Variants in PPP1R16B observed in about 807,000 individuals in gnomAD.
PPP1R16B encodes the protein protein phosphatase 1 regulatory inhibitor subunit 16B.
In PPP1R16B, 14 loss-of-function variants were observed where a neutral mutation model predicts 61.7. The observed-to-expected ratio is 0.23, with a 90% confidence interval of 0.15 to 0.35. The LOEUF (loss-of-function observed/expected upper bound fraction) is 0.35, where lower values mean the gene tolerates loss of function less well. Among genes scored for constraint, PPP1R16B ranks in the 10% least tolerant of loss-of-function variants. The pLI, the probability that PPP1R16B is intolerant of heterozygous loss-of-function variation, is 1.00. For missense variants in PPP1R16B, 547 were observed against 752.5 expected, an observed-to-expected ratio of 0.73 and a Z score of 3.19; for synonymous variants, 266 against 305.3, an observed-to-expected ratio of 0.87 and a Z score of 1.34.
At chr20:38,916,930 T>G (rs911080541) in intron 10 of PPP1R16B, among the ~76,000 whole-genome samples, 3 of 151,852 alleles carry the variant, frequency 2.0e-5, no homozygotes, top group African/African-American at 7.2e-5. Context: ...GCCATGTATA[T>G]CTATATATTT....
chr20:38,895,431 A>T (rs77208150), intron 3 of PPP1R16B, 134 bp from the exon 4 acceptor site: 20,536 of 1,063,568 alleles, frequency 0.019, 261 homozygotes, highest in South Asian at 0.036. Flanking sequence ...CAGTGTGAAC[A>T]TCATGGAGCT....
intron 2 of PPP1R16B, among the ~76,000 whole-genome samples, chr20:38,875,266 A>C (rs938974942): frequency 5.3e-5 from 8 of 152,204 alleles, no homozygotes; most frequent in Admixed American, 2.6e-4. Flanking sequence ...GAAAACTTGC[A>C]GCTTGCTCCC....
chr20:38,910,595 G>A (rs571627519), intron 10 of PPP1R16B, among the ~76,000 whole-genome samples: 4 of 149,140 alleles, frequency 2.7e-5, no homozygotes, highest in African/African-American at 5.0e-5. Flanking sequence ...GTGCAGTGGT[G>A]TGATCCTAGC....
At chr20:38,878,235 C>T (rs2145750729) in intron 2 of PPP1R16B, among the ~76,000 whole-genome samples, 1 of 152,122 alleles carries the variant, frequency 6.6e-6, no homozygotes, top group Non-Finnish European at 1.5e-5. Flanking sequence ...TGTTTTATTT[C>T]CCCAGGCAGA....
chr20:38,871,395 T>A (rs2085128093), intron 2 of PPP1R16B, among the ~76,000 whole-genome samples: 1 of 152,004 alleles, frequency 6.6e-6, no homozygotes, highest in Admixed American at 6.6e-5. Context: ...TCTGGGCCAG[T>A]ATGCATTCTG....
At position 38,920,878 on chromosome 20, in the gene PPP1R16B, A is replaced by G. The variant is rs1464720549; in HGVS notation, c.*2212A>G. The G allele has an allele frequency of 6.6e-6, 1 of 152,264 alleles. No individual in the cohort carries two copies. Among genetic ancestry groups the G allele is most frequent in the African/African-American group, 2.4e-5 (1 of 41,458 alleles). 9.4% of individuals were successfully genotyped at this position (152,264 alleles called of 1,614,324 possible). On this transcript the variant is annotated 3_prime_UTR_variant, in exon 11 of 11. Transcript: ENST00000299824. The stretch of plus-strand genomic sequence containing the variant: ...CACGTACCATTGGCTGTAAAACAGT[A>G]TGAGCCCAGACTGACGCTGAAATCC...
chr20:38,906,296 T>G (rs28588987), intron 7 of PPP1R16B, among the ~76,000 whole-genome samples: 25 of 126,118 alleles, frequency 2.0e-4, no homozygotes, highest in African/African-American at 4.6e-4. Context: ...TTTTTTTTTT[T>G]TTTTTTTTTT....
chr20:38,879,966 C>T (rs2085193229), intron 2 of PPP1R16B, among the ~76,000 whole-genome samples: 1 of 152,176 alleles, frequency 6.6e-6, no homozygotes, highest in Admixed American at 6.5e-5. Flanking sequence ...GTCTGTGGCC[C>T]AGCCTGGGAA....
Position 38,918,536 on chromosome 20 carries a change from C to G in PPP1R16B, c.1574C>G (p.Thr525Ser), listed in dbSNP as rs777989802. 1.9e-6 allele frequency: 3 copies of G among 1,585,498 alleles called. No individual in the cohort carries two copies. The highest frequency in any genetic ancestry group is 2.2e-5 in the East Asian group (1 of 44,592). The change falls in exon 11 of 11, where the codon ACT becomes AGT. Residue 525 changes from threonine (T) to serine (S), a missense_variant. By Grantham distance (58) the Thr-to-Ser change is moderately conservative (BLOSUM62 1). Transcript: ENST00000299824. The surrounding 1 kb of genome is among the most constrained non-coding windows in gnomAD (Gnocchi z 5.3). Reference protein sequence around the residue: ...EGKAPLIGGRTSPYSSNGTSV... With the variant: ...EGKAPLIGGRSSPYSSNGTSV... ...AAGGCCCCCTTGATCGGAGGCAGAA[C>G]TTCACCGTACAGCAGCAATGGGACC...
At chr20:38,914,787 C>A (rs1385079560) in intron 10 of PPP1R16B, among the ~76,000 whole-genome samples, 1 of 152,154 alleles carries the variant, frequency 6.6e-6, no homozygotes, top group Admixed American at 6.6e-5. Context: ...TCCTGCCCAG[C>A]CTCCCATGTA....
Position 38,907,794 on chromosome 20 carries a change from C to G in PPP1R16B, c.899-12C>G, listed in dbSNP as rs1398392377. On this transcript the variant is annotated splice_polypyrimidine_tract_variant and intron_variant, in intron 8 of 10. Transcript: ENST00000299824. The surrounding 1 kb of genome is among the most constrained non-coding windows in gnomAD (Gnocchi z 4.5). The stretch of plus-strand genomic sequence containing the variant: ...GCCCCGTCCCCCACAACAGACTCCT[C>G]TGCCCCTTCAGACCTGTGCGAGGAG... 1 of 1,613,924 alleles carries G rather than the reference C, an allele frequency of 6.2e-7. No individual in the cohort carries two copies. Among genetic ancestry groups the G allele is most frequent in the Admixed American group, 1.7e-5 (1 of 60,026 alleles).
intron 2 of PPP1R16B, among the ~76,000 whole-genome samples, chr20:38,882,079 C>T (rs1037430048): frequency 1.1e-4 from 16 of 152,272 alleles, no homozygotes; most frequent in East Asian, 3.9e-4. Flanking sequence ...TACTTATCCT[C>T]GTAACTGGAT....
intron 2 of PPP1R16B, among the ~76,000 whole-genome samples, chr20:38,857,920 A>G (rs1393461142): frequency 6.6e-6 from 1 of 152,068 alleles, no homozygotes; most frequent in Admixed American, 6.6e-5. Context: ...GCCAGAAAAA[A>G]AATTATAGAC....
intron 2 of PPP1R16B, among the ~76,000 whole-genome samples, chr20:38,878,455 G>A (rs564379319): frequency 8.2e-4 from 125 of 152,280 alleles, no homozygotes; most frequent in South Asian, 1.9e-3. Context: ...CCTAAACATT[G>A]ATAGGAATGG....
At chr20:38,909,980 A>AT (rs2085476022) in intron 10 of PPP1R16B, among the ~76,000 whole-genome samples, 1 of 151,698 alleles carries the variant, frequency 6.6e-6, no homozygotes, top group South Asian at 2.1e-4. Flanking sequence ...ATCTTTTTTT[A>AT]TTTTTTTATT....
chr20:38,918,212 G>A lies in PPP1R16B; in HGVS notation c.1250G>A (p.Arg417Gln), dbSNP rs759069655. The A allele has an allele frequency of 3.7e-6, 6 of 1,614,124 alleles. No individual in the cohort carries two copies. Among genetic ancestry groups the A allele is most frequent in the East Asian group, 2.2e-5 (1 of 44,904 alleles). Residue 417 changes from arginine (R) to glutamine (Q), a missense_variant, in exon 11 of 11, where the codon CGA (arginine) becomes CAA (glutamine). Coordinates refer to ENST00000299824, the MANE Select transcript of PPP1R16B (RefSeq NM_015568.4). The surrounding 1 kb of genome is among the most constrained non-coding windows in gnomAD (Gnocchi z 5.3). ...LLSEFPTKIPRGELDMPVENG... is the reference protein window; with the variant it reads ...LLSEFPTKIPQGELDMPVENG... The stretch of plus-strand genomic sequence containing the variant: ...TCCGAATTTCCTACCAAGATCCCAC[G>A]AGGTGAACTGGACATGCCTGTTGAG...
rs36003556 is a variant in PPP1R16B, at chr20:38,873,743, G to GTTTT, written c.251-15842_251-15839dup. ...ACAGAAGCTGAAACATCTTTTTTTT[G>GTTTT]TTTTTTTTTTTTTGAGATGGAGTCT... On this transcript the variant is annotated intron_variant, in intron 2 of 10. Transcript: ENST00000299824. Among the ~76,000 whole-genome samples the GTTTT allele has an allele frequency of 9.8e-3, 1,374 of 140,654 alleles. 31 individuals are homozygous for GTTTT. Among genetic ancestry groups the GTTTT allele is most frequent in the Non-Finnish European group, 0.011 (703 of 65,410 alleles). 92.3% of individuals were successfully genotyped at this position (140,654 alleles called of 152,430 possible).
intron 10 of PPP1R16B, among the ~76,000 whole-genome samples, chr20:38,912,759 AC>A (rs2085502884): frequency 6.6e-6 from 1 of 152,186 alleles, no homozygotes; most frequent in African/African-American, 2.4e-5. Context: ...GAATTTCAGA[AC>A]CACTTATTTG....
intron 2 of PPP1R16B, among the ~76,000 whole-genome samples, chr20:38,860,448 T>G (rs955109999): frequency 3.3e-5 from 5 of 152,234 alleles, no homozygotes; most frequent in African/African-American, 1.2e-4. Context: ...ATATGTTGAT[T>G]CAGATTAGCC....
Sources: allele counts gnomAD v4.1 joint callset (sites outside exome capture counted in the v4.1 genomes callset), GRCh38; gene constraint gnomAD v4.1.1; non-coding constraint Gnocchi (gnomAD v3.1); transcripts MANE v1.5; gene names NCBI Gene and HGNC (gene_info 2026-07-23, HGNC 2026-07-21).